Variants in GML observed in about 807,000 individuals in gnomAD.
GML encodes glycosyl-phosphatidylinositol-anchored molecule-like protein.
Under a neutral mutation model 8.2 loss-of-function variants are expected in GML, and 5 were observed. The ratio of observed to expected loss-of-function variants is 0.61; its 90% CI spans 0.32 to 1.28. The LOEUF is 1.28. GML is among the 50% of genes most tolerant of loss of function. The pLI is 0.06. For synonymous variants in GML, 72 were observed against 69.0 expected (o/e 1.04, Z -0.22); for missense variants, 191 against 198.3 (o/e 0.96, Z 0.22).
intron 3 of GML, among the ~76,000 whole-genome samples, chr8:142,844,467 A>G (rs530857645): frequency 7.9e-5 from 12 of 152,358 alleles, no homozygotes; most frequent in African/African-American, 2.6e-4. Flanking sequence ...ATTACCTTTA[A>G]CTTCAAAACT....
intron 1 of GML, among the ~76,000 whole-genome samples, chr8:142,839,497 A>G (rs934498003): frequency 2.6e-5 from 4 of 152,018 alleles, no homozygotes; most frequent in Admixed American, 6.5e-5. Context: ...CCTGCGGTGG[A>G]GGGAGCTACA....
chr8:142,846,588 T>C lies in GML; in HGVS notation c.375T>C (p.Asp125=). 1 of 1,613,898 alleles carries C rather than the reference T, an allele frequency of 6.2e-7. No homozygotes were observed. Among genetic ancestry groups the C allele is most frequent in the Non-Finnish European group, 8.5e-7 (1 of 1,179,762 alleles). The change falls in exon 4 of 4, where the codon GAT becomes GAC. Residue 125 remains aspartate, a synonymous_variant. Transcript: ENST00000220940. The stretch of plus-strand genomic sequence containing the variant: ...ATCTTGAAAGGGACATGTTACCCGA[T>C]GAAGTAACTGAGGAGGAGCTTCCAG... ...PTNLERDMLP[D]EVTEEELPEG... is the part of the protein sequence containing the mutation.
At chr8:142,840,640 CAG>C (rs1310679546) in intron 2 of GML, 130 bp downstream of exon 2, 22 of 684,928 alleles carry the variant, frequency 3.2e-5, no homozygotes, top group Middle Eastern at 3.2e-4. Flanking sequence ...TCTGTGTAAT[CAG>C]GGGTGGGCAC....
At chr8:142,840,678 G>A (rs1816417994) in intron 2 of GML, among the ~76,000 whole-genome samples, 168 bp downstream of exon 2, 1 of 152,162 alleles carries the variant, frequency 6.6e-6, no homozygotes, top group Admixed American at 6.5e-5. Flanking sequence ...GTAGTCATGA[G>A]CAAGGAGAGG....
At chr8:142,837,864 A>G (rs577139175) in intron 1 of GML, among the ~76,000 whole-genome samples, 2 of 147,644 alleles carry the variant, frequency 1.4e-5, no homozygotes, top group Admixed American at 1.4e-4. Context: ...CCCTCCCACC[A>G]CAGCACTTGG....
intron 1 of GML, among the ~76,000 whole-genome samples, chr8:142,835,727 A>T (rs1198081205): frequency 6.6e-6 from 1 of 152,162 alleles, no homozygotes; most frequent in Non-Finnish European, 1.5e-5. Context: ...TTATTGCTTA[A>T]TGCCACCATA....
At chr8:142,846,190 G>A (rs1415103166) in intron 3 of GML, among the ~76,000 whole-genome samples, 1 of 152,220 alleles carries the variant, frequency 6.6e-6, no homozygotes, top group Non-Finnish European at 1.5e-5. Context: ...ACTATCTCCA[G>A]AAGAAGTTGT....
chr8:142,837,360 G>A (rs1170987587), intron 1 of GML, among the ~76,000 whole-genome samples: 1 of 151,772 alleles, frequency 6.6e-6, no homozygotes, highest in Admixed American at 6.6e-5. Flanking sequence ...TGCTGTCTGA[G>A]TTTCATTGGC....
chr8:142,845,770 A>G (rs1816496316), intron 3 of GML, among the ~76,000 whole-genome samples: 1 of 152,144 alleles, frequency 6.6e-6, no homozygotes, highest in South Asian at 2.1e-4. Flanking sequence ...GCGATCGATA[A>G]CCTTCACCAG....
chr8:142,846,083 A>G (rs918066920), intron 3 of GML, among the ~76,000 whole-genome samples: 1 of 152,244 alleles, frequency 6.6e-6, no homozygotes, highest in Non-Finnish European at 1.5e-5. Flanking sequence ...ACCATAAGAA[A>G]TGAACAGGAC....
intron 1 of GML, among the ~76,000 whole-genome samples, chr8:142,839,629 G>T (rs1337472844): frequency 6.6e-6 from 1 of 152,224 alleles, no homozygotes; most frequent in Non-Finnish European, 1.5e-5. Flanking sequence ...CAACCAGGGA[G>T]ATGGAGCTTC....
chr8:142,837,884 C>T (rs1474746023), intron 1 of GML, among the ~76,000 whole-genome samples: 2 of 148,128 alleles, frequency 1.4e-5, no homozygotes, highest in Non-Finnish European at 3.0e-5. Context: ...GAGGCTCTTC[C>T]ATGGGAAAAC....
chr8:142,840,975 A>G, intron 2 of GML, 143 bp from the exon 3 acceptor site: 1 of 618,552 alleles, frequency 1.6e-6, no homozygotes, highest in Admixed American at 2.7e-5. Context: ...CAGACTGCAT[A>G]GAGAGCTGAG....
At position 142,841,171 on chromosome 8, in the gene GML, C is replaced by T; in HGVS notation, c.127C>T (p.Pro43Ser). The T allele has an allele frequency of 6.3e-7, 1 of 1,589,992 alleles. No homozygotes were observed. Among genetic ancestry groups the T allele is most frequent in the Non-Finnish European group, 8.6e-7 (1 of 1,158,186 alleles). The change falls in exon 3 of 4, where the codon CCC (proline) becomes TCC (serine). Residue 43 changes from proline to serine, a missense_variant. Physicochemically the swap from Pro to Ser is moderately conservative, Grantham distance 74. Transcript: ENST00000220940. ...DCAVINDFNC[P>S]NIRVCPYHIR... is the part of the protein sequence containing the mutation. ...TGCGGTCATAAATGACTTCAACTGT[C>T]CCAACATTAGAGTATGTCCGTATCA...
In GML at chr8:142,840,373, G is replaced by A. The variant is rs1009934862; in HGVS notation, c.-22-43G>A. 3.2e-6 allele frequency: 4 copies of A among 1,267,460 alleles called. No individual in the cohort carries two copies. The Admixed American group carries it at 5.1e-5, about 16-fold the overall frequency. 78.5% of individuals were successfully genotyped at this position (1,267,460 alleles called of 1,614,324 possible). On this transcript the variant is annotated intron_variant, in intron 1 of 3. Coordinates refer to ENST00000220940, the MANE Select transcript of GML (RefSeq NM_002066.3). ...CCAGGGGCATAGAGCTGGCCAAGGA[G>A]CCATGGCTCACTAACGTGTTGTATG...
At chr8:142,840,308 C>A in intron 1 of GML, 108 bp from the exon 2 acceptor site, 1 of 687,228 alleles carries the variant, frequency 1.5e-6, no homozygotes, top group East Asian at 2.6e-5. Context: ...GGGAGGCATT[C>A]AGGTGGGCAG....
At chr8:142,838,627 G>A (rs1046542048) in intron 1 of GML, among the ~76,000 whole-genome samples, 2 of 152,202 alleles carry the variant, frequency 1.3e-5, no homozygotes, top group African/African-American at 4.8e-5. Context: ...TCTGGAAGAT[G>A]AGGCCTGAAG....
At chr8:142,842,712 T>C (rs1279843352) in intron 3 of GML, among the ~76,000 whole-genome samples, 1 of 152,164 alleles carries the variant, frequency 6.6e-6, no homozygotes, top group Non-Finnish European at 1.5e-5. Flanking sequence ...CCAGCAGGCA[T>C]TTGGCCACTG....
At position 142,845,509 on chromosome 8, in the gene GML, T is replaced by C. The variant is rs140172129; in HGVS notation, c.182-886T>C. ...TATTCATCATTTGTTTCTGGTGTTA[T>C]AGAGGAGACAAGACCCAGAGCCATG... is the stretch of plus-strand genomic sequence containing the variant. On this transcript the variant is annotated intron_variant, in intron 3 of 3. Transcript: ENST00000220940. 7.4e-3 allele frequency among the ~76,000 whole-genome samples: 1,124 copies of C among 152,328 alleles called. 10 individuals carry two copies. The highest frequency in any genetic ancestry group is 0.011 in the Non-Finnish European group (766 of 68,020).
Sources: allele counts gnomAD v4.1 joint callset (sites outside exome capture counted in the v4.1 genomes callset), GRCh38; gene constraint gnomAD v4.1.1; transcripts MANE v1.5; gene names NCBI Gene and HGNC (gene_info 2026-07-23, HGNC 2026-07-21).